SNTG2: variants seen among roughly 807,000 people sequenced by gnomAD.
SNTG2 encodes the protein gamma-2-syntrophin.
In SNTG2, 74 loss-of-function variants were observed where a neutral mutation model predicts 70.9. The ratio of observed to expected loss-of-function variants is 1.04; its 90% CI spans 0.86 to 1.27. The LOEUF (loss-of-function observed/expected upper bound fraction) is 1.27, where lower values mean the gene tolerates loss of function less well. Among genes scored for constraint, SNTG2 ranks in the 50% most tolerant of loss-of-function variants. The pLI is 0.00. For synonymous variants in SNTG2, 278 were observed against 273.8 expected, an observed-to-expected ratio of 1.02 and a Z score of -0.15; for missense variants, 717 against 690.7, an observed-to-expected ratio of 1.04 and a Z score of -0.43.
chr2:1,175,602 A>G (rs931370878), intron 8 of SNTG2, among the ~76,000 whole-genome samples: 7 of 152,152 alleles, frequency 4.6e-5, no homozygotes, highest in African/African-American at 7.2e-5. Flanking sequence ...TTCTTTCCAT[A>G]TTATTTAATA....
intron 16 of SNTG2, among the ~76,000 whole-genome samples, chr2:1,325,732 G>A (rs1193833499): frequency 6.6e-6 from 1 of 152,168 alleles, no homozygotes; most frequent in Non-Finnish European, 1.5e-5. Context: ...AGACAGAATA[G>A]CCATGGTTAA....
At chr2:1,019,372 C>T (rs921363821) in intron 1 of SNTG2, among the ~76,000 whole-genome samples, 2 of 152,040 alleles carry the variant, frequency 1.3e-5, no homozygotes, top group Non-Finnish European at 2.9e-5. Context: ...GTGGCAATGT[C>T]ATGCAGGGTT....
intron 9 of SNTG2, among the ~76,000 whole-genome samples, chr2:1,229,629 C>T (rs1676052319): frequency 6.6e-6 from 1 of 152,162 alleles, no homozygotes. Context: ...GTCGATGGAA[C>T]TGGGCGCTGT....
chr2:1,231,891 G>A (rs1676276493), intron 9 of SNTG2, among the ~76,000 whole-genome samples: 1 of 152,172 alleles, frequency 6.6e-6, no homozygotes, highest in Non-Finnish European at 1.5e-5. Flanking sequence ...ATGAACAAAT[G>A]CAGGACGCCC....
At chr2:955,334 T>A (rs550529655) in intron 1 of SNTG2, among the ~76,000 whole-genome samples, 1 of 152,360 alleles carries the variant, frequency 6.6e-6, no homozygotes, top group Non-Finnish European at 1.5e-5. Flanking sequence ...CATTTGATGA[T>A]GGCACCGAAT....
intron 8 of SNTG2, among the ~76,000 whole-genome samples, chr2:1,199,435 A>G (rs887443728): frequency 1.3e-5 from 2 of 152,050 alleles, no homozygotes; most frequent in Admixed American, 6.6e-5. Flanking sequence ...GGAAAAGCTG[A>G]AAGGCTTTCC....
At chr2:1,238,495 C>G (rs1676832408) in intron 10 of SNTG2, among the ~76,000 whole-genome samples, 1 of 152,118 alleles carries the variant, frequency 6.6e-6, no homozygotes, top group African/African-American at 2.4e-5. Context: ...TGCAGTCCCC[C>G]AGAAACGAAA....
At chr2:1,227,255 C>G (rs779321403) in intron 9 of SNTG2, among the ~76,000 whole-genome samples, 1 of 152,236 alleles carries the variant, frequency 6.6e-6, no homozygotes, top group Admixed American at 6.5e-5. Context: ...TGAACAGAAG[C>G]AAACAAAACA....
intron 16 of SNTG2, among the ~76,000 whole-genome samples, chr2:1,358,029 G>C (rs939032781): frequency 6.6e-6 from 1 of 152,000 alleles, no homozygotes; most frequent in African/African-American, 2.4e-5. Flanking sequence ...AGTTCCTGAG[G>C]ATGGATTTCT....
chr2:996,942 G>A (rs1309085075), intron 1 of SNTG2, among the ~76,000 whole-genome samples: 1 of 151,952 alleles, frequency 6.6e-6, no homozygotes, highest in African/African-American at 2.4e-5. Flanking sequence ...TGTCAAGTGA[G>A]ACTTTTTTTC....
Position 1,236,786 on chromosome 2 carries a change from C to T in SNTG2, c.720-1102C>T, listed in dbSNP as rs537462599. ...CACCCCACCTTGCCTAAGAAAGCAG[C>T]GATGACACTCACATTTGAAAGATTA... On this transcript the variant is annotated intron_variant, in intron 9 of 16. Coordinates refer to ENST00000308624, the MANE Select transcript of SNTG2 (RefSeq NM_018968.4). Among the ~76,000 whole-genome samples, 13 of 152,268 alleles carry T rather than the reference C, an allele frequency of 8.5e-5. No homozygotes were observed. The South Asian group carries it at 1.4e-3, about 17-fold the overall frequency.
At chr2:1,095,945 C>T (rs997993704) in intron 2 of SNTG2, among the ~76,000 whole-genome samples, 2 of 152,190 alleles carry the variant, frequency 1.3e-5, no homozygotes, top group South Asian at 2.1e-4. Flanking sequence ...GGTGGACGGA[C>T]GCCTTTCTCC....
intron 1 of SNTG2, among the ~76,000 whole-genome samples, chr2:1,065,284 T>C (rs2148122890): frequency 6.6e-6 from 1 of 152,228 alleles, no homozygotes. Context: ...GCATCTGACA[T>C]AGTGACTGCC....
intron 9 of SNTG2, among the ~76,000 whole-genome samples, chr2:1,224,648 G>A (rs957504590): frequency 6.6e-6 from 1 of 152,200 alleles, no homozygotes; most frequent in Admixed American, 6.5e-5. Flanking sequence ...TGCATTCCAT[G>A]TTCCCCTCAC....
At chr2:966,171 C>A (rs1013270405) in intron 1 of SNTG2, among the ~76,000 whole-genome samples, 1 of 152,220 alleles carries the variant, frequency 6.6e-6, no homozygotes, top group Non-Finnish European at 1.5e-5. Flanking sequence ...CTCTGTGCCA[C>A]ATTCTGTGTG....
At chr2:1,355,122 G>A (rs879027163) in intron 16 of SNTG2, among the ~76,000 whole-genome samples, 5 of 152,210 alleles carry the variant, frequency 3.3e-5, no homozygotes, top group African/African-American at 9.7e-5. Context: ...ATCTCTCAAC[G>A]TTAGTGCCAT....
intron 14 of SNTG2, among the ~76,000 whole-genome samples, chr2:1,290,776 T>C (rs1679959047): frequency 6.6e-6 from 1 of 152,174 alleles, no homozygotes. Flanking sequence ...GATTCTGGTG[T>C]GGACACAGAG....
Position 1,212,782 on chromosome 2 carries a change from AGAGAC to A in SNTG2, c.719+3553_719+3557del, listed in dbSNP as rs1674130572. On this transcript the variant is annotated intron_variant, in intron 9 of 16. Transcript: ENST00000308624. The stretch of plus-strand genomic sequence containing the variant: ...TCATTTTAAATGGATGAAAAAGAGA[AGAGAC>A]TTGGGTGTGTTGATCCCAGTGGATG... Among the ~76,000 whole-genome samples the A allele has an allele frequency of 2.6e-5, 4 of 152,328 alleles. No homozygotes were observed. In the South Asian group the frequency reaches 8.3e-4, roughly 32 times the overall value.
At chr2:1,346,309 C>T (rs1252099908) in intron 16 of SNTG2, 1 of 152,492 alleles carries the variant, frequency 6.6e-6, no homozygotes, top group Non-Finnish European at 1.5e-5. Flanking sequence ...TGAGAGCCCC[C>T]CGCATCCAAG....
Sources: gnomAD v4.1 joint callset for allele counts (sites outside exome capture counted in the v4.1 genomes callset) on GRCh38, gnomAD v4.1.1 for gene constraint, MANE v1.5 for transcripts, NCBI Gene and HGNC (gene_info 2026-07-23, HGNC 2026-07-21) for gene names.